Variants in XPO7 observed in about 807,000 individuals in gnomAD.
The protein encoded by XPO7 is exportin 7, also known as exportin-7.
Under a neutral mutation model 144.3 loss-of-function variants are expected in XPO7, and 21 were observed. The ratio of observed to expected loss-of-function variants is 0.15; its 90% CI spans 0.10 to 0.21. The LOEUF (loss-of-function observed/expected upper bound fraction) is 0.21. Among genes scored for constraint, XPO7 ranks in the 10% least tolerant of loss-of-function variants. The pLI, the probability that XPO7 is intolerant of heterozygous loss-of-function variation, is 1.00. For missense variants in XPO7, 808 were observed against 1,325.8 expected (o/e 0.61, Z 6.06); for synonymous variants, 580 against 499.6 (o/e 1.16, Z -2.15).
intron 1 of XPO7, among the ~76,000 whole-genome samples, chr8:21,920,540 C>A (rs1810245033): frequency 6.6e-6 from 1 of 152,016 alleles, no homozygotes; most frequent in Non-Finnish European, 1.5e-5. Flanking sequence ...AGACGTTGCT[C>A]GGGAGGGTCT....
chr8:21,951,991 A>T (rs1585434919), intron 1 of XPO7, among the ~76,000 whole-genome samples: 1 of 152,142 alleles, frequency 6.6e-6, no homozygotes. Context: ...ATCCAGTACC[A>T]TCCCCACATT....
At chr8:21,959,612 AATTT>A (rs1669426378) in intron 1 of XPO7, among the ~76,000 whole-genome samples, 1 of 152,058 alleles carries the variant, frequency 6.6e-6, no homozygotes, top group Admixed American at 6.6e-5. Flanking sequence ...GAGTGTTACC[AATTT>A]ATTTTTTTAA....
chr8:21,944,761 C>T (rs76008177), intron 1 of XPO7, among the ~76,000 whole-genome samples: 17,857 of 151,970 alleles, frequency 0.12, 1,369 homozygotes, highest in East Asian at 0.33. Context: ...TTCCGCCTTC[C>T]GCATTGTTTG....
intron 1 of XPO7, among the ~76,000 whole-genome samples, chr8:21,939,886 T>C (rs1810938442): frequency 6.6e-6 from 1 of 152,260 alleles, no homozygotes; most frequent in Non-Finnish European, 1.5e-5. Flanking sequence ...AGTAGTCTTT[T>C]AAATTTTATT....
chr8:21,972,864 T>C (rs1301346072), intron 5 of XPO7, among the ~76,000 whole-genome samples: 1 of 152,242 alleles, frequency 6.6e-6, no homozygotes, highest in East Asian at 1.9e-4. Flanking sequence ...ATGTGTTAGC[T>C]TAGAGCCTGT....
intron 21 of XPO7, among the ~76,000 whole-genome samples, chr8:21,998,404 G>A (rs1005031616): frequency 1.2e-4 from 19 of 152,224 alleles, no homozygotes; most frequent in African/African-American, 2.9e-4. Flanking sequence ...TTGCGCCACC[G>A]CACTCTAGCC....
intron 24 of XPO7, among the ~76,000 whole-genome samples, chr8:22,001,296 G>A (rs559699749): frequency 6.0e-5 from 9 of 150,492 alleles, no homozygotes; most frequent in African/African-American, 2.0e-4. Context: ...GCGACAGAAC[G>A]AGACTCCGTA....
chr8:21,966,829 GT>G, intron 1 of XPO7, 27 bp from the exon 2 acceptor site: 2 of 1,602,206 alleles, frequency 1.2e-6, no homozygotes, highest in Non-Finnish European at 8.5e-7. Flanking sequence ...AGGCTGAACT[GT>G]TTTCTTTCCT....
chr8:21,966,060 A>G (rs1369909358), intron 1 of XPO7, among the ~76,000 whole-genome samples: 1 of 152,176 alleles, frequency 6.6e-6, no homozygotes, highest in African/African-American at 2.4e-5. Flanking sequence ...ATTAAGTGCA[A>G]GTATATATGC....
In XPO7 at chr8:21,989,821, C is replaced by CTTTTTT. The variant is rs1170364778; in HGVS notation, c.1869-482_1869-477dup. 7.7e-3 allele frequency among the ~76,000 whole-genome samples: 461 copies of CTTTTTT among 59,710 alleles called. 138 individuals carry two copies. Among genetic ancestry groups the CTTTTTT allele is most frequent in the Non-Finnish European group, 0.012 (341 of 27,888 alleles). The allele number at this position is 59,710 out of a possible 152,430, so 39.2% of individuals were successfully genotyped here. ...AATAGGAGTTTGGTATAGGTGTTTC[C>CTTTTTT]TTTTTTTTTTTTTTTTTTTTTTTTT... On this transcript the variant is annotated intron_variant, in intron 16 of 27. Transcript: ENST00000252512.
At chr8:21,925,146 GACTCATT>G (rs1193101108) in intron 1 of XPO7, among the ~76,000 whole-genome samples, 1 of 152,152 alleles carries the variant, frequency 6.6e-6, no homozygotes, top group Non-Finnish European at 1.5e-5. Flanking sequence ...CATTTATAGT[GACTCATT>G]ACTAGGAAAT....
At chr8:22,001,632 C>G (rs1813151672) in intron 24 of XPO7, among the ~76,000 whole-genome samples, 1 of 152,200 alleles carries the variant, frequency 6.6e-6, no homozygotes, top group Admixed American at 6.5e-5. Flanking sequence ...TAGGCTCATA[C>G]CCCAGGCTTC....
chr8:21,973,461 A>G (rs1360316081), intron 5 of XPO7, among the ~76,000 whole-genome samples: 3 of 152,232 alleles, frequency 2.0e-5, no homozygotes, highest in Admixed American at 2.0e-4. Context: ...TGATAACACA[A>G]TGACAGAAGC....
chr8:22,003,815 A>T (rs758587247), intron 26 of XPO7, 88 bp from the exon 27 acceptor site: 11 of 1,572,372 alleles, frequency 7.0e-6, no homozygotes, highest in Non-Finnish European at 9.5e-6. Flanking sequence ...CTCCTTAGAG[A>T]AGAACATTCT....
At chr8:21,951,894 T>A (rs767678059) in intron 1 of XPO7, among the ~76,000 whole-genome samples, 8 of 152,182 alleles carry the variant, frequency 5.3e-5, no homozygotes, top group African/African-American at 1.2e-4. Flanking sequence ...ACAGTGTGAA[T>A]CCCTAGAAGT....
intron 1 of XPO7, among the ~76,000 whole-genome samples, chr8:21,942,858 A>G (rs1811038409): frequency 6.6e-6 from 1 of 152,196 alleles, no homozygotes; most frequent in African/African-American, 2.4e-5. Flanking sequence ...TTGCTTCTTT[A>G]TGAAGGGCAG....
chr8:21,968,328 T>A (rs1811949996), intron 2 of XPO7, among the ~76,000 whole-genome samples: 1 of 152,240 alleles, frequency 6.6e-6, no homozygotes, highest in African/African-American at 2.4e-5. Context: ...ATTAGTATTA[T>A]AATATTGTTT....
intron 1 of XPO7, among the ~76,000 whole-genome samples, chr8:21,944,247 C>A (rs947003417): frequency 4.6e-5 from 7 of 152,038 alleles, no homozygotes; most frequent in Non-Finnish European, 8.8e-5. Context: ...TGAATACCTC[C>A]CATGAGTTAT....
At chr8:21,972,923 T>C (rs1468436691) in intron 5 of XPO7, among the ~76,000 whole-genome samples, 4 of 152,262 alleles carry the variant, frequency 2.6e-5, no homozygotes, top group African/African-American at 9.6e-5. Context: ...CAATCCCCGT[T>C]GTGATCAGTA....
Sources: gnomAD v4.1 joint callset for allele counts (sites outside exome capture counted in the v4.1 genomes callset) on GRCh38, gnomAD v4.1.1 for gene constraint, MANE v1.5 for transcripts, NCBI Gene and HGNC (gene_info 2026-07-23, HGNC 2026-07-21) for gene names.